SSBP2: variants seen among roughly 807,000 people sequenced by gnomAD.
SSBP2 encodes single stranded DNA binding protein 2.
Under a neutral mutation model 61.8 loss-of-function variants are expected in SSBP2, and 17 were observed. The ratio of observed to expected loss-of-function variants is 0.28; its 90% CI spans 0.19 to 0.41. SSBP2 has a LOEUF of 0.41. SSBP2 is among the 10% of genes least tolerant of loss of function. The pLI is 1.00. For synonymous variants in SSBP2, 139 were observed against 141.3 expected (o/e 0.98, Z 0.12); for missense variants, 310 against 458.7 (o/e 0.68, Z 2.96).
intron 4 of SSBP2, among the ~76,000 whole-genome samples, chr5:81,519,298 T>C (rs1769277266): frequency 1.3e-5 from 2 of 152,302 alleles, no homozygotes; most frequent in Middle Eastern, 3.4e-3. Flanking sequence ...TTCAATTTGG[T>C]TCATTTACAT....
chr5:81,448,893 TTTATTTC>T (rs1471317100), intron 10 of SSBP2, 68 bp from the exon 11 acceptor site: 1 of 1,215,458 alleles, frequency 8.2e-7, no homozygotes, highest in Non-Finnish European at 1.2e-6. Flanking sequence ...CTAAAATGAA[TTTATTTC>T]ATGATTTTTT....
chr5:81,433,508 C>T (rs1762468820), intron 15 of SSBP2, among the ~76,000 whole-genome samples: 1 of 151,294 alleles, frequency 6.6e-6, no homozygotes, highest in South Asian at 2.1e-4. Flanking sequence ...ACTTGTTTAT[C>T]TGCTGACCTT....
chr5:81,595,459 G>GA (rs1167371563), intron 4 of SSBP2, among the ~76,000 whole-genome samples: 5 of 151,902 alleles, frequency 3.3e-5, no homozygotes, highest in African/African-American at 1.2e-4. Context: ...CCAATCGATA[G>GA]AAAAAAAGGG....
intron 16 of SSBP2, among the ~76,000 whole-genome samples, chr5:81,424,282 G>C (rs889438885): frequency 6.6e-6 from 1 of 152,076 alleles, no homozygotes; most frequent in African/African-American, 2.4e-5. Context: ...AAATTAGCCA[G>C]GCATGGTGGC....
intron 4 of SSBP2, among the ~76,000 whole-genome samples, chr5:81,551,096 G>GAAAAAAAAAAAAAAAAA: frequency 1.2e-5 from 1 of 80,216 alleles, no homozygotes; most frequent in Non-Finnish European, 2.5e-5. Context: ...ACTCCATCTC[G>GAAAAAAAAAAAAAAAAA]AAAAAAAAAA....
chr5:81,716,143 T>C (rs1043203595), intron 1 of SSBP2, among the ~76,000 whole-genome samples: 14 of 150,418 alleles, frequency 9.3e-5, no homozygotes, highest in African/African-American at 3.2e-4. Context: ...AGTCAATAGA[T>C]AGCGTCAAAA....
chr5:81,516,643 G>T (rs577710160), intron 4 of SSBP2, among the ~76,000 whole-genome samples: 2 of 152,104 alleles, frequency 1.3e-5, no homozygotes, highest in East Asian at 3.9e-4. Flanking sequence ...ACCCTATGCT[G>T]ATCATTAACA....
At chr5:81,641,799 C>A (rs1748808985) in intron 2 of SSBP2, among the ~76,000 whole-genome samples, 1 of 152,024 alleles carries the variant, frequency 6.6e-6, no homozygotes, top group African/African-American at 2.4e-5. Flanking sequence ...TACTACAGAA[C>A]AGTGTGCTAT....
intron 14 of SSBP2, among the ~76,000 whole-genome samples, chr5:81,440,102 G>A (rs1328532878): frequency 6.6e-6 from 1 of 152,030 alleles, no homozygotes; most frequent in Admixed American, 6.6e-5. Context: ...TTAAAAAGGA[G>A]GCAAACATAA....
Position 81,729,086 on chromosome 5 carries a change from G to A in SSBP2, c.62+21895C>T, listed in dbSNP as rs115301596. ...CACTGCATACATATATCAAAACACC[G>A]TATTGTACCACATAAATGTATATAA... On this transcript the variant is annotated intron_variant, in intron 1 of 16. Transcript: ENST00000320672. Among the ~76,000 whole-genome samples the A allele has an allele frequency of 4.5e-3, 691 of 151,894 alleles. 1 individual carries two copies. The highest frequency in any genetic ancestry group is 0.015 in the African/African-American group (630 of 41,456).
At chr5:81,728,823 A>C (rs1304228005) in intron 1 of SSBP2, among the ~76,000 whole-genome samples, 1 of 152,254 alleles carries the variant, frequency 6.6e-6, no homozygotes, top group East Asian at 1.9e-4. Context: ...AAATGAAACC[A>C]ACGCATCTAC....
intron 15 of SSBP2, among the ~76,000 whole-genome samples, chr5:81,431,574 G>C (rs991712710): frequency 3.3e-5 from 5 of 151,860 alleles, no homozygotes; most frequent in African/African-American, 1.2e-4. Flanking sequence ...CTTCTAGCAG[G>C]TATTACATAT....
intron 1 of SSBP2, among the ~76,000 whole-genome samples, chr5:81,656,915 T>C (rs1351035564): frequency 3.3e-5 from 5 of 152,156 alleles, no homozygotes; most frequent in African/African-American, 1.2e-4. Context: ...TTTTTTTAAG[T>C]GCAGAACAGT....
chr5:81,713,325 GGGAACACCCC>G (rs1297386468), intron 1 of SSBP2, among the ~76,000 whole-genome samples: 1 of 150,580 alleles, frequency 6.6e-6, no homozygotes, highest in Non-Finnish European at 1.5e-5. Context: ...CTCCAAACAG[GGGAACACCCC>G]TCCCCAACCC....
intron 15 of SSBP2, among the ~76,000 whole-genome samples, chr5:81,433,070 A>G (rs1411873402): frequency 1.3e-5 from 2 of 151,516 alleles, no homozygotes; most frequent in Non-Finnish European, 2.9e-5. Flanking sequence ...GGAAGTGAGG[A>G]GCCCCTCTGC....
intron 1 of SSBP2, among the ~76,000 whole-genome samples, chr5:81,683,033 C>T (rs909628285): frequency 3.3e-5 from 5 of 149,668 alleles, no homozygotes; most frequent in East Asian, 1.9e-4. Context: ...TAAATGAGAG[C>T]GATACCATGT....
chr5:81,677,643 A>C (rs1752082673), intron 1 of SSBP2, among the ~76,000 whole-genome samples: 1 of 152,142 alleles, frequency 6.6e-6, no homozygotes, highest in Admixed American at 6.6e-5. Context: ...TGCCTCTATC[A>C]AGGGGAGAAA....
chr5:81,493,283 TAGATAGATAGATAGATA>T (rs1767015138), intron 5 of SSBP2, among the ~76,000 whole-genome samples: 5 of 151,498 alleles, frequency 3.3e-5, no homozygotes, highest in African/African-American at 1.2e-4. Context: ...GATAGATAGA[TAGATAGATAGATAGATA>T]GATTAACAGG....
At chr5:81,594,644 C>T (rs1206162478) in intron 4 of SSBP2, among the ~76,000 whole-genome samples, 7 of 152,202 alleles carry the variant, frequency 4.6e-5, no homozygotes, top group Non-Finnish European at 1.0e-4. Flanking sequence ...CAAACTGTCT[C>T]TCAGACCACA....
Sources: gnomAD v4.1 joint callset for allele counts (sites outside exome capture counted in the v4.1 genomes callset) on GRCh38, gnomAD v4.1.1 for gene constraint, MANE v1.5 for transcripts, NCBI Gene and HGNC (gene_info 2026-07-23, HGNC 2026-07-21) for gene names.